Variants in PRSS23 observed in about 807,000 individuals in gnomAD.
PRSS23 encodes serine protease 23, also known as protease, serine 23.
In PRSS23, 25 loss-of-function variants were observed where a neutral mutation model predicts 34.7. The ratio of observed to expected loss-of-function variants is 0.72; its 90% CI spans 0.53 to 1.01. The LOEUF is 1.01. Ranked by LOEUF, PRSS23 falls within the 50% of genes least tolerant of loss-of-function variation. The pLI is 0.00. For missense variants in PRSS23, 445 were observed against 475.6 expected (o/e 0.94, Z 0.60); for synonymous variants, 176 against 186.6 (o/e 0.94, Z 0.46).
chr11:86,817,435 C>G (rs565025255), intron 1 of PRSS23, among the ~76,000 whole-genome samples: 1 of 152,314 alleles, frequency 6.6e-6, no homozygotes, highest in East Asian at 1.9e-4. Context: ...TTCTAAATGG[C>G]TGGCTGGCAT....
In PRSS23 at chr11:86,874,110, G is replaced by A. The variant is rs117107453; in HGVS notation, c.206+50517G>A. 2.9e-3 allele frequency among the ~76,000 whole-genome samples: 442 copies of A among 152,326 alleles called. 3 individuals are homozygous for A. Among genetic ancestry groups the A allele is most frequent in the South Asian group, 0.019 (93 of 4,830 alleles). ...AAGAAGAGGGTTTAATCTTTGTGAA[G>A]AGAAGAATAAAGGGGAAAGGTTGGG... On this transcript the variant is annotated intron_variant, in intron 2 of 2. Coordinates refer to the PRSS23 transcript ENST00000533902.
At chr11:86,943,327 TAAAGA>T (rs1421933821) in intron 2 of PRSS23, among the ~76,000 whole-genome samples, 2 of 152,198 alleles carry the variant, frequency 1.3e-5, no homozygotes, top group East Asian at 3.9e-4. Context: ...CTATTTGCAG[TAAAGA>T]AATCAGAGGA....
At chr11:86,880,171 T>A (rs1948763352) in intron 2 of PRSS23, among the ~76,000 whole-genome samples, 2 of 152,178 alleles carry the variant, frequency 1.3e-5, no homozygotes. Context: ...CTCTGAAGCA[T>A]GTGCTGTGTC....
At chr11:86,815,579 T>C (rs950464199), downstream of PRSS23, among the ~76,000 whole-genome samples, 2 of 152,186 alleles carry the variant, frequency 1.3e-5, no homozygotes, top group Non-Finnish European at 2.9e-5. Context: ...ATGTATTCTG[T>C]TCTATTCTAG....
At chr11:86,950,218 T>G (rs1949278120) in intron 2 of PRSS23, 1 of 152,574 alleles carries the variant, frequency 6.6e-6, no homozygotes, top group African/African-American at 2.4e-5. Context: ...ATCACACAAG[T>G]AAAATATATT....
chr11:86,940,468 C>G (rs1248795099), intron 2 of PRSS23, among the ~76,000 whole-genome samples: 2 of 152,186 alleles, frequency 1.3e-5, no homozygotes, highest in African/African-American at 4.8e-5. Context: ...CACCTTCATT[C>G]AGGCCTTCAT....
intron 2 of PRSS23, among the ~76,000 whole-genome samples, chr11:86,919,141 C>T (rs1949032207): frequency 6.6e-6 from 1 of 152,190 alleles, no homozygotes; most frequent in African/African-American, 2.4e-5. Context: ...GCTTCCCATC[C>T]CCAAGCAGCG....
chr11:86,905,364 A>G (rs1228500880), intron 2 of PRSS23, among the ~76,000 whole-genome samples: 1 of 152,230 alleles, frequency 6.6e-6, no homozygotes, highest in African/African-American at 2.4e-5. Flanking sequence ...CAGGACAGTG[A>G]TAAGGCACCA....
At position 86,808,081 on chromosome 11, in the gene PRSS23, C is replaced by T. The variant is rs1948126477; in HGVS notation, c.438C>T (p.Leu146=). Residue 146 remains leucine (L), a synonymous_variant, in exon 2 of 2, where the codon CTC becomes CTT. Transcript: ENST00000280258. ...GCATTTTTGGGAAGGACTTCCTGCT[C>T]AACTACCCTTTCTCAACATCAGTGA... The part of the protein sequence containing the change: ...RFSIFGKDFL[L]NYPFSTSVKL... 6.2e-7 allele frequency: 1 copy of T among 1,613,994 alleles called. No homozygotes were observed. Among genetic ancestry groups the T allele is most frequent in the African/African-American group, 1.3e-5 (1 of 74,886 alleles).
intron 2 of PRSS23, chr11:86,933,513 A>T (rs1949140256): frequency 6.6e-6 from 1 of 152,258 alleles, no homozygotes; most frequent in Admixed American, 6.5e-5. Context: ...AAGAGAAAGT[A>T]CTGCATATTT....
At position 86,831,511 on chromosome 11, in the gene PRSS23, G is replaced by A. The variant is rs113961343; in HGVS notation, c.206+7918G>A. Among the ~76,000 whole-genome samples the A allele has an allele frequency of 1.4e-4, 21 of 151,958 alleles. No individual in the cohort carries two copies. In the East Asian group the frequency reaches 1.7e-3, roughly 13 times the overall value. On this transcript the variant is annotated intron_variant, in intron 2 of 2. Coordinates refer to the PRSS23 transcript ENST00000533902. Reference sequence around the variant, plus strand: ...TAATGTTACACGTGGTATACACACCGTGATATTATTCGTAATAGCCTATAG... The same window carrying A: ...TAATGTTACACGTGGTATACACACCATGATATTATTCGTAATAGCCTATAG...
chr11:86,848,638 G>A (rs1343466530), intron 2 of PRSS23, among the ~76,000 whole-genome samples: 1 of 152,130 alleles, frequency 6.6e-6, no homozygotes. Flanking sequence ...TATTCTAAAG[G>A]ATAAACTTAT....
At chr11:86,907,733 T>C (rs1948953073) in intron 2 of PRSS23, among the ~76,000 whole-genome samples, 1 of 152,200 alleles carries the variant, frequency 6.6e-6, no homozygotes, top group African/African-American at 2.4e-5. Flanking sequence ...ATGCTGGGAT[T>C]TCAGGTGTGA....
At chr11:86,928,531 C>T (rs537377831) in intron 2 of PRSS23, among the ~76,000 whole-genome samples, 392 of 147,524 alleles carry the variant, frequency 2.7e-3, no homozygotes, top group Non-Finnish European at 3.8e-3. Context: ...AAACATTAGC[C>T]GAGCGTGGTG....
chr11:86,806,768 C>T (rs890421259), intron 1 of PRSS23, among the ~76,000 whole-genome samples: 3 of 152,156 alleles, frequency 2.0e-5, no homozygotes, highest in East Asian at 1.9e-4. Context: ...AAATCTTTGT[C>T]GAGTGCTAGC....
chr11:86,887,547 C>G (rs987752404), intron 2 of PRSS23, among the ~76,000 whole-genome samples: 1 of 152,118 alleles, frequency 6.6e-6, no homozygotes, highest in African/African-American at 2.4e-5. Context: ...ATGGAACACC[C>G]CTTTACGGAA....
At chr11:86,827,704 C>G (rs1368375848) in intron 2 of PRSS23, among the ~76,000 whole-genome samples, 1 of 152,074 alleles carries the variant, frequency 6.6e-6, no homozygotes, top group Non-Finnish European at 1.5e-5. Context: ...TCTTTGTTCT[C>G]GTTGGTTTCA....
chr11:86,801,331 G>A (rs76649955), intron 1 of PRSS23, among the ~76,000 whole-genome samples: 13,066 of 152,260 alleles, frequency 0.086, 805 homozygotes, highest in Non-Finnish European at 0.12. Context: ...TTTAAAAGGA[G>A]CGGGAGAAGA....
At chr11:86,889,803 G>T (rs1948829103) in intron 2 of PRSS23, among the ~76,000 whole-genome samples, 1 of 152,162 alleles carries the variant, frequency 6.6e-6, no homozygotes, top group Non-Finnish European at 1.5e-5. Flanking sequence ...TCCTGAATAT[G>T]ACCATTCAGT....
Sources: gnomAD v4.1 joint callset for allele counts (sites outside exome capture counted in the v4.1 genomes callset) on GRCh38, gnomAD v4.1.1 for gene constraint, MANE v1.5 for transcripts, NCBI Gene and HGNC (gene_info 2026-07-23, HGNC 2026-07-21) for gene names.